Variants in OAT observed in about 807,000 individuals in gnomAD.
OAT encodes the protein ornithine aminotransferase, mitochondrial.
A neutral mutation model predicts 48.4 loss-of-function variants in OAT; 35 were observed. That is an observed-to-expected ratio of 0.72 (90% confidence interval 0.55 to 0.96). The LOEUF (loss-of-function observed/expected upper bound fraction) is 0.96, where lower values mean the gene tolerates loss of function less well. OAT is among the 40% of genes least tolerant of loss of function. The pLI is 0.00. For missense variants in OAT, 438 were observed against 537.9 expected (o/e 0.81, Z 1.84); for synonymous variants, 182 against 198.4 (o/e 0.92, Z 0.70).
chr10:124,403,494 G>C (rs1951476166), intron 6 of OAT, among the ~76,000 whole-genome samples: 1 of 152,140 alleles, frequency 6.6e-6, no homozygotes, highest in Non-Finnish European at 1.5e-5. Flanking sequence ...GGGCTTGCGG[G>C]GGCTCAGAGT....
chr10:124,413,301 CACACACACATAT>C (rs973356135), intron 1 of OAT, among the ~76,000 whole-genome samples: 6 of 144,064 alleles, frequency 4.2e-5, no homozygotes, highest in Admixed American at 7.0e-5. Flanking sequence ...CACACACACA[CACACACACATAT>C]ATGAGATTCC....
At chr10:124,417,283 C>CTTTTTTTTT (rs59171918) in intron 1 of OAT, among the ~76,000 whole-genome samples, 1 of 87,046 alleles carries the variant, frequency 1.1e-5, no homozygotes, top group African/African-American at 5.1e-5. Flanking sequence ...AAACTATAAG[C>CTTTTTTTTT]TTTTTTTTTT....
chr10:124,405,039 G>A (rs1412946524), intron 5 of OAT, among the ~76,000 whole-genome samples: 1 of 152,096 alleles, frequency 6.6e-6, no homozygotes, highest in Non-Finnish European at 1.5e-5. Context: ...GTGAGACTCT[G>A]TCTCAAAAAA....
chr10:124,411,471 T>C (rs577151310), intron 2 of OAT, among the ~76,000 whole-genome samples: 43 of 152,258 alleles, frequency 2.8e-4, no homozygotes, highest in Admixed American at 6.5e-4. Context: ...AAGACAATGG[T>C]TCCTCTTTGA....
At chr10:124,403,514 T>G (rs191770084) in intron 6 of OAT, among the ~76,000 whole-genome samples, 3 of 152,302 alleles carry the variant, frequency 2.0e-5, no homozygotes, top group Admixed American at 2.0e-4. Context: ...TGAAAGGCTC[T>G]TAGAGCAGCG....
At chr10:124,401,701 AC>A in intron 8 of OAT, 24 bp downstream of exon 8, 7 of 1,448,950 alleles carry the variant, frequency 4.8e-6, no homozygotes, top group Non-Finnish European at 6.8e-6. Context: ...AAGAATAGAC[AC>A]TGTGTGGCTG....
At chr10:124,411,546 G>A (rs1337411262) in intron 2 of OAT, among the ~76,000 whole-genome samples, 2 of 152,122 alleles carry the variant, frequency 1.3e-5, no homozygotes, top group African/African-American at 2.4e-5. Flanking sequence ...GGCCAGGCGT[G>A]GTGGCTCACA....
At chr10:124,413,512 C>A (rs910487975) in intron 1 of OAT, among the ~76,000 whole-genome samples, 1 of 151,980 alleles carries the variant, frequency 6.6e-6, no homozygotes, top group Non-Finnish European at 1.5e-5. Flanking sequence ...GGAGAAACCC[C>A]GTCTCTACTG....
chr10:124,408,341 ATATTT>A (rs1317616642), intron 4 of OAT, among the ~76,000 whole-genome samples, 196 bp downstream of exon 4: 1,830 of 98,990 alleles, frequency 0.018, 51 homozygotes, highest in African/African-American at 0.062. Context: ...ATATATATAT[ATATTT>A]TTTTTTTTTT....
chr10:124,400,940 G>C lies in OAT; in HGVS notation c.1059C>G (p.Gly353=). The change falls in exon 9 of 10, where the codon GGC becomes GGG. Residue 353 remains glycine, a synonymous_variant. Transcript: ENST00000368845. ...TCATGAGTTCATTTCTCAAGATAAT[G>C]CCCAATTTGTCTGCATTTTCAGCAA... ...ENLAENADKL[G]IILRNELMKL... 1 of 1,610,652 alleles carries C rather than the reference G, an allele frequency of 6.2e-7. No individual in the cohort carries two copies.
At chr10:124,417,283 C>CTTTTTTTT (rs59171918) in intron 1 of OAT, among the ~76,000 whole-genome samples, 2 of 87,046 alleles carry the variant, frequency 2.3e-5, no homozygotes, top group Non-Finnish European at 4.4e-5. Flanking sequence ...AAACTATAAG[C>CTTTTTTTT]TTTTTTTTTT....
chr10:124,410,559 C>A (rs1836059981), intron 2 of OAT, among the ~76,000 whole-genome samples: 1 of 152,206 alleles, frequency 6.6e-6, no homozygotes, highest in African/African-American at 2.4e-5. Flanking sequence ...GCAATCCCAG[C>A]ACTGTGGGAG....
intron 4 of OAT, chr10:124,405,768 T>C: frequency 7.3e-7 from 1 of 1,363,566 alleles, no homozygotes; most frequent in Non-Finnish European, 9.5e-7. Flanking sequence ...AAGTCTGGCC[T>C]TGTAATTCCT....
At position 124,408,877 on chromosome 10, in the gene OAT, C is replaced by T; in HGVS notation, c.288G>A (p.Lys96=). The T allele has an allele frequency of 6.2e-7, 1 of 1,613,658 alleles. No homozygotes were observed. Among genetic ancestry groups the T allele is most frequent in the Non-Finnish European group, 8.5e-7 (1 of 1,179,978 alleles). Residue 96 remains lysine (K), a synonymous_variant, in exon 3 of 10, where the codon AAG becomes AAA. Coordinates refer to ENST00000368845, the MANE Select transcript of OAT (RefSeq NM_000274.4). ...SAVNQGHCHP[K]IVNALKSQVD... ...CTTGACTCTTCAGAGCATTCACAAT[C>T]TTGGGGTGACAATGCCCTTGGTTGA...
chr10:124,404,463 G>T (rs1013324270), intron 5 of OAT, among the ~76,000 whole-genome samples: 67 of 151,852 alleles, frequency 4.4e-4, no homozygotes, highest in African/African-American at 1.6e-3. Context: ...GTAGAGACAG[G>T]GTTTCACCAC....
In OAT at chr10:124,398,025, T is replaced by C. The variant is rs1346741755; in HGVS notation, c.1237A>G (p.Arg413Gly). The change falls in exon 10 of 10, where the codon AGG becomes GGG. Residue 413 changes from arginine to glycine, a missense_variant. Transcript: ENST00000368845. ...TTGATCACCAGCGGAGGCGCAAACC[T>C]GATAATGTCGCCATGGGTTGGCTTG... is the stretch of plus-strand genomic sequence containing the variant. ...LAKPTHGDII[R>G]FAPPLVIKED... The C allele has an allele frequency of 6.2e-7, 1 of 1,614,084 alleles. No homozygotes were observed. The highest frequency in any genetic ancestry group is 8.5e-7 in the Non-Finnish European group (1 of 1,179,956).
Position 124,401,813 on chromosome 10 carries a change from G to A in OAT, c.927C>T (p.Asp309=), listed in dbSNP as rs2134453354. The A allele has an allele frequency of 5.6e-6, 9 of 1,613,104 alleles. No homozygotes were observed. Among genetic ancestry groups the A allele is most frequent in the East Asian group, 2.2e-5 (1 of 44,878 alleles). Residue 309 remains aspartate (D), a synonymous_variant, in exon 8 of 10, where the codon GAC becomes GAT. Transcript: ENST00000368845. ...YPVSAVLCDD[D]IMLTIKPGEH... ...CCCCTGGCTTAATGGTCAGCATGAT[G>A]TCATCATCACACAGCACTGCAGACA...
chr10:124,412,009 A>G lies in OAT; in HGVS notation c.163T>C (p.Tyr55His), dbSNP rs121965037. 8 of 1,614,042 alleles carry G rather than the reference A, an allele frequency of 5.0e-6. No individual in the cohort carries two copies. The highest frequency in any genetic ancestry group is 6.8e-6 in the Non-Finnish European group (8 of 1,179,990). The change falls in exon 2 of 10, where the codon TAC (tyrosine) becomes CAC (histidine). Residue 55 changes from tyrosine (Y) to histidine (H), a missense_variant. Coordinates refer to ENST00000368845, the MANE Select transcript of OAT (RefSeq NM_000274.4). ...EREYKYGAHN[Y>H]HPLPVALERG... ...TCCAGGGCTACAGGTAAAGGATGGT[A>G]GTTGTGTGCACCATACTTATATTCC...
intron 1 of OAT, among the ~76,000 whole-genome samples, chr10:124,416,869 A>T (rs1399952107): frequency 3.0e-4 from 1 of 3,284 alleles, no homozygotes; most frequent in South Asian, 0.038. Context: ...AGGCCTTTAA[A>T]AAAAAAAAAA....
Sources: gnomAD v4.1 joint callset for allele counts (sites outside exome capture counted in the v4.1 genomes callset) on GRCh38, gnomAD v4.1.1 for gene constraint, MANE v1.5 for transcripts, NCBI Gene and HGNC (gene_info 2026-07-23, HGNC 2026-07-21) for gene names.